Variants in GRM5 observed in about 807,000 individuals in gnomAD.
The protein encoded by GRM5 is glutamate metabotropic receptor 5.
GRM5 carries 19 observed loss-of-function variants against 83.1 expected under a neutral mutation model. The ratio of observed to expected loss-of-function variants is 0.23; its 90% CI spans 0.16 to 0.34. The LOEUF (loss-of-function observed/expected upper bound fraction) is 0.34. GRM5 is among the 10% of genes least tolerant of loss of function. GRM5 has a pLI of 1.00. For missense variants in GRM5, 1,160 were observed against 1,588.3 expected (o/e 0.73, Z 4.58); for synonymous variants, 675 against 633.6 (o/e 1.07, Z -0.98).
At chr11:88,849,295 C>G (rs890583175) in intron 3 of GRM5, among the ~76,000 whole-genome samples, 3 of 152,036 alleles carry the variant, frequency 2.0e-5, no homozygotes, top group African/African-American at 7.2e-5. Context: ...TTGACTAATA[C>G]ACTGATTCAG....
intron 3 of GRM5, among the ~76,000 whole-genome samples, chr11:88,814,877 G>A (rs371737207): frequency 2.6e-5 from 4 of 152,202 alleles, no homozygotes; most frequent in African/African-American, 9.6e-5. Flanking sequence ...AATTCATTAA[G>A]TAGTAGAATA....
At chr11:89,046,891 G>A (rs1941652599) in intron 2 of GRM5, among the ~76,000 whole-genome samples, 1 of 152,120 alleles carries the variant, frequency 6.6e-6, no homozygotes, top group Non-Finnish European at 1.5e-5. Context: ...AAGATATAGA[G>A]ACTTGAAAAC....
chr11:88,790,376 G>T (rs1034342743), intron 3 of GRM5, among the ~76,000 whole-genome samples: 60 of 152,058 alleles, frequency 3.9e-4, no homozygotes, highest in African/African-American at 1.4e-3. Context: ...TGTCTTGCTT[G>T]TATTTGCTGA....
chr11:88,668,233 A>AAAGACAGAATAATTTTATATCTCTT (rs1940098353), intron 3 of GRM5, among the ~76,000 whole-genome samples: 1 of 59,098 alleles, frequency 1.7e-5, no homozygotes, highest in Admixed American at 1.3e-4. Context: ...CACACACACA[A>AAAGACAGAATAATTTTATATCTCTT]AGACAGAATA....
At chr11:89,022,102 G>T (rs918738328) in intron 2 of GRM5, among the ~76,000 whole-genome samples, 1 of 152,120 alleles carries the variant, frequency 6.6e-6, no homozygotes, top group African/African-American at 2.4e-5. Context: ...CTGGTTTATA[G>T]CAGTTATTCC....
chr11:88,850,305 C>T (rs1944367564), intron 2 of GRM5, 150 bp from the exon 3 acceptor site: 1 of 717,190 alleles, frequency 1.4e-6, no homozygotes, highest in East Asian at 2.6e-5. Context: ...GCTCTTTTGC[C>T]GAATTGCTTA....
At chr11:88,813,346 TG>T (rs138873496) in intron 3 of GRM5, among the ~76,000 whole-genome samples, 3,885 of 152,264 alleles carry the variant, frequency 0.026, 176 homozygotes, top group African/African-American at 0.089. Flanking sequence ...CACCCCAGGC[TG>T]GGGATTTTTT....
chr11:88,754,078 A>G (rs1373633388), intron 3 of GRM5, among the ~76,000 whole-genome samples: 2 of 152,182 alleles, frequency 1.3e-5, no homozygotes, highest in African/African-American at 2.4e-5. Flanking sequence ...AAACCATATC[A>G]TACACCATGG....
intron 2 of GRM5, among the ~76,000 whole-genome samples, chr11:89,016,213 ATATT>A (rs1189766927): frequency 9.4e-5 from 14 of 149,454 alleles, no homozygotes; most frequent in South Asian, 8.3e-4. Context: ...TATTATACAT[ATATT>A]TATTTATATA....
chr11:88,928,317 T>C (rs559801452), intron 2 of GRM5, among the ~76,000 whole-genome samples: 1 of 152,194 alleles, frequency 6.6e-6, no homozygotes, highest in African/African-American at 2.4e-5. Context: ...CTGTGGTTAC[T>C]GTGGGCCCCA....
intron 2 of GRM5, among the ~76,000 whole-genome samples, chr11:88,861,693 C>T (rs1021546171): frequency 1.3e-5 from 2 of 151,948 alleles, no homozygotes; most frequent in African/African-American, 2.4e-5. Flanking sequence ...TCTTGAACTC[C>T]TGGGCTCAAG....
chr11:89,063,463 G>C (rs1942038877), intron 1 of GRM5: 3 of 152,348 alleles, frequency 2.0e-5, no homozygotes, highest in Admixed American at 6.5e-5. Context: ...TGGGCACACA[G>C]ACACTTAGCA....
chr11:88,906,002 A>C (rs1019377368), intron 2 of GRM5, among the ~76,000 whole-genome samples: 4 of 152,208 alleles, frequency 2.6e-5, no homozygotes, highest in Non-Finnish European at 4.4e-5. Flanking sequence ...ACTGTTAAGG[A>C]CTTTAAAATT....
intron 3 of GRM5, among the ~76,000 whole-genome samples, chr11:88,803,587 A>C (rs1421795000): frequency 2.6e-5 from 4 of 152,230 alleles, no homozygotes; most frequent in Non-Finnish European, 5.9e-5. Flanking sequence ...ACAACCTAGA[A>C]GAAAACCTAG....
intron 3 of GRM5, among the ~76,000 whole-genome samples, chr11:88,697,952 C>G (rs752547425): frequency 2.6e-5 from 4 of 152,180 alleles, no homozygotes; most frequent in Non-Finnish European, 5.9e-5. Flanking sequence ...CAAGTGCTGT[C>G]AACTTTACTG....
At chr11:88,999,765 G>A (rs1196115130) in intron 2 of GRM5, among the ~76,000 whole-genome samples, 1 of 152,164 alleles carries the variant, frequency 6.6e-6, no homozygotes, top group Non-Finnish European at 1.5e-5. Context: ...CATAAATCAT[G>A]CTGCTATAAA....
At chr11:88,840,519 T>C (rs975585676) in intron 3 of GRM5, among the ~76,000 whole-genome samples, 12 of 152,210 alleles carry the variant, frequency 7.9e-5, no homozygotes, top group African/African-American at 9.6e-5. Flanking sequence ...TTTCCTTGAT[T>C]GGCTCTATCA....
At chr11:88,970,973 C>T (rs563161536) in intron 2 of GRM5, among the ~76,000 whole-genome samples, 3 of 152,130 alleles carry the variant, frequency 2.0e-5, no homozygotes, top group African/African-American at 7.2e-5. Context: ...GAGCTTTTAG[C>T]CAGTACACCC....
intron 2 of GRM5, chr11:88,984,886 T>G: frequency 3.1e-6 from 2 of 654,494 alleles, no homozygotes; most frequent in Non-Finnish European, 5.6e-6. Context: ...TGGCAAATCA[T>G]GAAAATAAAT....
Sources: allele counts gnomAD v4.1 joint callset (sites outside exome capture counted in the v4.1 genomes callset), GRCh38; gene constraint gnomAD v4.1.1; transcripts MANE v1.5; gene names NCBI Gene and HGNC (gene_info 2026-07-23, HGNC 2026-07-21).